Variants in C3orf20 observed in about 807,000 individuals in gnomAD.
The protein encoded by C3orf20 is family with sequence similarity 149 member C.
C3orf20 carries 76 observed loss-of-function variants against 88.3 expected under a neutral mutation model. The ratio of observed to expected loss-of-function variants is 0.86; its 90% CI spans 0.72 to 1.04. C3orf20 has a LOEUF of 1.04. Ranked by LOEUF, C3orf20 falls within the 50% of genes least tolerant of loss-of-function variation. The probability of loss-of-function intolerance (pLI) is 0.00; values close to 1 mark genes in which losing one functional copy is unlikely to be tolerated. For missense variants in C3orf20, 1,056 were observed against 1,123.3 expected (o/e 0.94, Z 0.86); for synonymous variants, 436 against 437.4 (o/e 1.00, Z 0.04).
intron 5 of C3orf20, among the ~76,000 whole-genome samples, chr3:14,700,845 C>T (rs1164976007): frequency 8.5e-5 from 13 of 152,218 alleles, no homozygotes; most frequent in Non-Finnish European, 1.9e-4. Context: ...CTTTGGGTGT[C>T]GGGGCCTCCA....
intron 12 of C3orf20, among the ~76,000 whole-genome samples, chr3:14,742,253 G>C (rs1363163590): frequency 2.6e-5 from 4 of 152,190 alleles, no homozygotes; most frequent in Non-Finnish European, 5.9e-5. Context: ...ATTTACGGAG[G>C]ACTTTTAGAT....
chr3:14,729,298 G>T (rs757386904), intron 12 of C3orf20, among the ~76,000 whole-genome samples: 3 of 152,158 alleles, frequency 2.0e-5, no homozygotes, highest in Non-Finnish European at 2.9e-5. Context: ...AGATGCAAAG[G>T]ATGATAAACA....
chr3:14,757,447 C>T lies in C3orf20; in HGVS notation c.2017C>T (p.Leu673Phe). 6.2e-7 allele frequency: 1 copy of T among 1,612,600 alleles called. No individual in the cohort carries two copies. The highest frequency in any genetic ancestry group is 8.5e-7 in the Non-Finnish European group (1 of 1,179,936). Reference protein sequence around the residue: ...PSDCPLVLRKLMLKEDTRAGC... With the variant: ...PSDCPLVLRKFMLKEDTRAGC... The stretch of plus-strand genomic sequence containing the variant: ...AGACTGCCCGCTGGTGCTGCGGAAG[C>T]TCATGCTCAAGGAAGACACCCGTGC... The change falls in exon 13 of 17, where the codon CTC becomes TTC. Residue 673 changes from leucine to phenylalanine, a missense_variant. Physicochemically the swap from Leu to Phe is conservative, Grantham distance 22 (BLOSUM62 0). Transcript: ENST00000253697.
intron 7 of C3orf20, among the ~76,000 whole-genome samples, chr3:14,709,535 G>A (rs182010081): frequency 3.4e-4 from 52 of 152,332 alleles, no homozygotes; most frequent in African/African-American, 1.1e-3. Context: ...TGTTGTGGGA[G>A]TTCCCTTCTA....
At chr3:14,746,071 G>A (rs898664221) in intron 12 of C3orf20, among the ~76,000 whole-genome samples, 6 of 152,086 alleles carry the variant, frequency 3.9e-5, no homozygotes, top group African/African-American at 1.4e-4. Flanking sequence ...TTTACATAAA[G>A]GGAATCATAC....
rs374257935 is a variant in C3orf20 at position 14,758,929 on chromosome 3, C to T, written c.2245-962C>T. ...ATTGAGTTAATTCTGTGTGTCCGTC[C>T]ATGTAGAGACAGATAAAATCCCTGC... is the stretch of plus-strand genomic sequence containing the variant. On this transcript the variant is annotated intron_variant, in intron 13 of 16. Coordinates refer to ENST00000253697, the MANE Select transcript of C3orf20 (RefSeq NM_032137.5). Among the ~76,000 whole-genome samples, 11 of 152,194 alleles carry T rather than the reference C, an allele frequency of 7.2e-5. No individual in the cohort carries two copies. The East Asian group carries it at 2.1e-3, about 29-fold the overall frequency.
At chr3:14,729,450 G>C (rs746111685) in intron 12 of C3orf20, among the ~76,000 whole-genome samples, 1 of 152,158 alleles carries the variant, frequency 6.6e-6, no homozygotes. Flanking sequence ...AGGGGACAAC[G>C]ACACGAATTG....
At chr3:14,767,970 A>G (rs1406491107) in intron 15 of C3orf20, among the ~76,000 whole-genome samples, 3 of 152,272 alleles carry the variant, frequency 2.0e-5, no homozygotes, top group East Asian at 1.9e-4. Context: ...CGCAGACCAC[A>G]CTACCAACTG....
At chr3:14,744,481 A>G (rs574511504) in intron 12 of C3orf20, among the ~76,000 whole-genome samples, 2 of 151,878 alleles carry the variant, frequency 1.3e-5, no homozygotes, top group Non-Finnish European at 2.9e-5. Context: ...AACTGTTCCA[A>G]CCTTTGTCTG....
chr3:14,719,165 T>C lies in C3orf20; in HGVS notation c.1435-2488T>C, dbSNP rs964261873. Reference sequence around the variant, plus strand: ...TTTAATTTTTTCAAGCTTATAGTTATCTATGAGGAAGGCAGCCTGTCAGGC... The same window carrying C: ...TTTAATTTTTTCAAGCTTATAGTTACCTATGAGGAAGGCAGCCTGTCAGGC... On this transcript the variant is annotated intron_variant, in intron 9 of 16. Coordinates refer to ENST00000253697, the MANE Select transcript of C3orf20 (RefSeq NM_032137.5). 4.6e-5 allele frequency among the ~76,000 whole-genome samples: 7 copies of C among 151,570 alleles called. No homozygotes were observed. The South Asian group carries it at 1.5e-3, about 32-fold the overall frequency.
At chr3:14,734,518 C>G (rs528086678) in intron 12 of C3orf20, among the ~76,000 whole-genome samples, 3 of 151,730 alleles carry the variant, frequency 2.0e-5, no homozygotes, top group Non-Finnish European at 4.4e-5. Context: ...ATCATTTTTT[C>G]TTTTTAACAT....
intron 7 of C3orf20, among the ~76,000 whole-genome samples, chr3:14,711,414 T>A (rs2033731964): frequency 6.6e-6 from 1 of 152,182 alleles, no homozygotes; most frequent in Admixed American, 6.5e-5. Context: ...ATATGTAATG[T>A]CCTTCTTTGT....
intron 12 of C3orf20, among the ~76,000 whole-genome samples, chr3:14,751,786 A>G (rs909905725): frequency 6.6e-6 from 1 of 152,204 alleles, no homozygotes; most frequent in African/African-American, 2.4e-5. Context: ...AATGTGAAGG[A>G]CCTCTTCAAG....
chr3:14,754,095 G>A lies in C3orf20; in HGVS notation c.1941-3276G>A, dbSNP rs564523934. On this transcript the variant is annotated intron_variant, in intron 12 of 16. Transcript: ENST00000253697. ...ACCTGGTATCTATATTCCCTGGTAT[G>A]CATGTGAGCCTTTCAAAGCCTTATT... Among the ~76,000 whole-genome samples, 6 of 152,290 alleles carry A rather than the reference G, an allele frequency of 3.9e-5. No individual in the cohort carries two copies. The East Asian group carries it at 1.2e-3, about 29-fold the overall frequency.
At position 14,682,937 on chromosome 3, in the gene C3orf20, C is replaced by G. The variant is rs913476316; in HGVS notation, c.224C>G (p.Ala75Gly). ...DILGLEVSFGAPLVVLMEPTF... is the reference protein window; with the variant it reads ...DILGLEVSFGGPLVVLMEPTF... ...TTGGGCCTGGAGGTCAGCTTTGGAG[C>G]CCCCCTGGTGGTGCTCATGGAACCC... is the stretch of plus-strand genomic sequence containing the variant. Residue 75 changes from alanine (A) to glycine (G), a missense_variant, in exon 3 of 17, where the codon GCC (alanine) becomes GGC (glycine). By Grantham distance (60) the Ala-to-Gly change is moderately conservative. Transcript: ENST00000253697. The G allele has an allele frequency of 1.2e-6, 2 of 1,613,866 alleles. No homozygotes were observed. Among genetic ancestry groups the G allele is most frequent in the African/African-American group, 2.7e-5 (2 of 74,900 alleles).
chr3:14,742,787 G>A (rs192764550), intron 12 of C3orf20, among the ~76,000 whole-genome samples: 188 of 152,190 alleles, frequency 1.2e-3, no homozygotes, highest in Middle Eastern at 6.8e-3. Flanking sequence ...CTCTTCTTAT[G>A]TGGTGGTGGC....
chr3:14,762,165 G>A (rs770386172), intron 15 of C3orf20, among the ~76,000 whole-genome samples: 10 of 152,150 alleles, frequency 6.6e-5, no homozygotes, highest in Non-Finnish European at 1.3e-4. Context: ...TTGAATGGCT[G>A]GGCTCAAGTG....
chr3:14,723,803 TTTTATTTTATTTTA>T (rs1406379642), intron 10 of C3orf20, among the ~76,000 whole-genome samples: 4 of 31,762 alleles, frequency 1.3e-4, no homozygotes, highest in African/African-American at 5.5e-4. Flanking sequence ...TTTTATTTTA[TTTTATTTTATTTTA>T]TTTTATTTTA....
At chr3:14,770,789 G>A (rs535029573) in intron 15 of C3orf20, among the ~76,000 whole-genome samples, 29 of 152,300 alleles carry the variant, frequency 1.9e-4, no homozygotes, top group Middle Eastern at 6.8e-3. Context: ...CTATGTGCCC[G>A]TGAATAAGCC....
Sources: allele counts gnomAD v4.1 joint callset (sites outside exome capture counted in the v4.1 genomes callset), GRCh38; gene constraint gnomAD v4.1.1; transcripts MANE v1.5; gene names NCBI Gene and HGNC (gene_info 2026-07-23, HGNC 2026-07-21).